The following PGGT1B variants were observed in gnomAD, a reference collection of about 807,000 sequenced individuals.
PGGT1B encodes the protein protein geranylgeranyltransferase type I subunit beta, also known as geranylgeranyl transferase type-1 subunit beta.
Under a neutral mutation model 46.1 loss-of-function variants are expected in PGGT1B, and 30 were observed. The ratio of observed to expected loss-of-function variants is 0.65; its 90% CI spans 0.49 to 0.88. The LOEUF (loss-of-function observed/expected upper bound fraction) is 0.88, where lower values mean the gene tolerates loss of function less well. Among genes scored for constraint, PGGT1B ranks in the 40% least tolerant of loss-of-function variants. The probability of loss-of-function intolerance (pLI) is 0.00; values close to 1 mark genes in which losing one functional copy is unlikely to be tolerated. For synonymous variants in PGGT1B, 170 were observed against 160.0 expected (o/e 1.06, Z -0.47); for missense variants, 376 against 455.9 (o/e 0.82, Z 1.60).
intron 6 of PGGT1B, among the ~76,000 whole-genome samples, chr5:115,224,815 CAG>C (rs1424167665): frequency 7.7e-6 from 1 of 130,674 alleles, no homozygotes; most frequent in Non-Finnish European, 1.6e-5. Context: ...GCCTGGGCGA[CAG>C]AGAGAGACTA....
intron 6 of PGGT1B, among the ~76,000 whole-genome samples, chr5:115,224,833 CAAAAAAAA>C (rs551706210): frequency 1.8e-4 from 12 of 65,748 alleles, no homozygotes; most frequent in Non-Finnish European, 2.3e-4. Flanking sequence ...GACTATGTCT[CAAAAAAAA>C]AAAAAAAAAA....
intron 3 of PGGT1B, among the ~76,000 whole-genome samples, 183 bp from the exon 4 acceptor site, chr5:115,238,192 C>T (rs954450067): frequency 1.3e-5 from 2 of 151,028 alleles, no homozygotes; most frequent in African/African-American, 4.9e-5. Flanking sequence ...AATATGATTG[C>T]ACAGGCTACT....
At chr5:115,215,084 C>T (rs546109357) in intron 8 of PGGT1B, among the ~76,000 whole-genome samples, 45 of 149,258 alleles carry the variant, frequency 3.0e-4, no homozygotes, top group Non-Finnish European at 4.6e-4. Context: ...CTGCAACCTC[C>T]ACCTCCTGGG....
At chr5:115,241,866 A>G (rs1484805241) in intron 2 of PGGT1B, among the ~76,000 whole-genome samples, 1 of 152,116 alleles carries the variant, frequency 6.6e-6, no homozygotes, top group Non-Finnish European at 1.5e-5. Context: ...CTGCCTATAC[A>G]GTCCTTTCAT....
In PGGT1B at chr5:115,209,060, G is replaced by A. The variant is rs1417946461; in HGVS notation, c.*3342C>T. ...TTTTCTGTACTTTTAGGAGGAAGGA[G>A]TGGCTCTAGGATGACTTCACAGCCT... On this transcript the variant is annotated 3_prime_UTR_variant, in exon 9 of 9. Coordinates refer to ENST00000419445, the MANE Select transcript of PGGT1B (RefSeq NM_005023.4). 2.0e-5 allele frequency: 3 copies of A among 151,912 alleles called. No homozygotes were observed. Among genetic ancestry groups the A allele is most frequent in the African/African-American group, 2.4e-5 (1 of 41,366 alleles). 9.4% of individuals were successfully genotyped at this position (151,912 alleles called of 1,614,324 possible).
intron 6 of PGGT1B, among the ~76,000 whole-genome samples, chr5:115,224,747 A>C (rs2126998310): frequency 6.6e-6 from 1 of 150,558 alleles, no homozygotes; most frequent in East Asian, 2.0e-4. Context: ...GGTGGTGTGC[A>C]CCTGTGGTCC....
intron 5 of PGGT1B, among the ~76,000 whole-genome samples, chr5:115,233,308 G>T (rs1466002074): frequency 6.6e-6 from 1 of 151,584 alleles, no homozygotes; most frequent in Non-Finnish European, 1.5e-5. Flanking sequence ...GAGAAATAGT[G>T]TTAGAAAAGA....
At chr5:115,212,806 A>G (rs906777111) in intron 8 of PGGT1B, among the ~76,000 whole-genome samples, 9 of 152,180 alleles carry the variant, frequency 5.9e-5, no homozygotes, top group African/African-American at 1.9e-4. Flanking sequence ...AATATCATTA[A>G]CAAAGGAAAA....
chr5:115,257,530 CAAA>C (rs1169870044), intron 1 of PGGT1B, among the ~76,000 whole-genome samples: 2 of 72,112 alleles, frequency 2.8e-5, no homozygotes, highest in Non-Finnish European at 5.3e-5. Context: ...AACTCCATCT[CAAA>C]AAAAAAAAAA....
At chr5:115,237,223 A>G (rs1310538135) in intron 4 of PGGT1B, among the ~76,000 whole-genome samples, 1 of 152,186 alleles carries the variant, frequency 6.6e-6, no homozygotes, top group Non-Finnish European at 1.5e-5. Context: ...CTGACGGGAA[A>G]ACAGAGCTAT....
chr5:115,240,300 T>C (rs993512893), intron 3 of PGGT1B, among the ~76,000 whole-genome samples: 1 of 152,150 alleles, frequency 6.6e-6, no homozygotes, highest in Non-Finnish European at 1.5e-5. Context: ...CAGGCGTTGG[T>C]TGGGGGAAGG....
chr5:115,237,933 A>G lies in PGGT1B; in HGVS notation c.404T>C (p.Leu135Pro). ...ATTTACTCGGCTTAAGTCGTCTCCAAGAATAACTAAGCATGAGAGGCCAGT... is the reference window on the plus strand; with the variant it reads ...ATTTACTCGGCTTAAGTCGTCTCCAGGAATAACTAAGCATGAGAGGCCAGT... ...TYTGLSCLVI[L>P]GDDLSRVNKE... The change falls in exon 4 of 9, where the codon CTT becomes CCT. Residue 135 changes from leucine (L) to proline (P), a missense_variant. By Grantham distance (98) the Leu-to-Pro change is moderately conservative. Coordinates refer to ENST00000419445, the MANE Select transcript of PGGT1B (RefSeq NM_005023.4). 6.2e-7 allele frequency: 1 copy of G among 1,612,666 alleles called. No individual in the cohort carries two copies. Among genetic ancestry groups the G allele is most frequent in the Non-Finnish European group, 8.5e-7 (1 of 1,179,706 alleles).
In PGGT1B at chr5:115,207,792, T is replaced by C. The variant is rs980410862; in HGVS notation, c.*4610A>G. On this transcript the variant is annotated 3_prime_UTR_variant, in exon 9 of 9. Coordinates refer to ENST00000419445, the MANE Select transcript of PGGT1B (RefSeq NM_005023.4). The stretch of plus-strand genomic sequence containing the variant: ...TGTCTAACTTCATTGGCTATAACTC[T>C]CAACACATTGTTAAGTAGCAGAGGA... 3 of 152,094 alleles carry C rather than the reference T, an allele frequency of 2.0e-5. No individual in the cohort carries two copies. The highest frequency in any genetic ancestry group is 7.2e-5 in the African/African-American group (3 of 41,454). 9.4% of individuals were successfully genotyped at this position (152,094 alleles called of 1,614,324 possible).
In PGGT1B at chr5:115,235,068, T is replaced by G. The variant is rs73255464; in HGVS notation, c.612+1322A>C. On this transcript the variant is annotated intron_variant, in intron 5 of 8. Coordinates refer to ENST00000419445, the MANE Select transcript of PGGT1B (RefSeq NM_005023.4). ...GATTCCAGAGCTGAGGATGGAAAAG[T>G]AGAAGATAAACCTGGAATATCTTGT... is the stretch of plus-strand genomic sequence containing the variant. 6.3e-3 allele frequency among the ~76,000 whole-genome samples: 963 copies of G among 151,942 alleles called. 11 individuals carry two copies. The highest frequency in any genetic ancestry group is 0.022 in the African/African-American group (902 of 41,478).
At position 115,237,980 on chromosome 5, in the gene PGGT1B, A is replaced by C; in HGVS notation, c.357T>G (p.Ser119Arg). 2 of 1,611,694 alleles carry C rather than the reference A, an allele frequency of 1.2e-6. No individual in the cohort carries two copies. The highest frequency in any genetic ancestry group is 2.2e-5 in the East Asian group (1 of 44,824). The change falls in exon 4 of 9, where the codon AGT becomes AGG. Residue 119 changes from serine (S) to arginine (R), a missense_variant. Transcript: ENST00000419445. ...KAPGTAHPYD[S>R]GHIAMTYTGL... is the part of the protein sequence containing the mutation. ...CAGTGTAGGTCATTGCAATGTGGCC[A>C]CTATCATAAGGATGAGCTGTTCCAG...
At chr5:115,214,224 C>G (rs1467883293) in intron 8 of PGGT1B, among the ~76,000 whole-genome samples, 1 of 152,006 alleles carries the variant, frequency 6.6e-6, no homozygotes, top group Non-Finnish European at 1.5e-5. Flanking sequence ...ACAAATAAAA[C>G]TTATTTGTTT....
chr5:115,234,173 T>A (rs1757095105), intron 5 of PGGT1B, among the ~76,000 whole-genome samples: 1 of 149,490 alleles, frequency 6.7e-6, no homozygotes, highest in Admixed American at 6.7e-5. Context: ...GGTGTTTTTT[T>A]TTTTCTCCCA....
rs1580757472 is a variant in PGGT1B at position 115,231,182 on chromosome 5, G to C, written c.613-161C>G. On this transcript the variant is annotated intron_variant, in intron 5 of 8. Coordinates refer to ENST00000419445, the MANE Select transcript of PGGT1B (RefSeq NM_005023.4). ...TTTTCCCCATGGAGAAGTAGAATTA[G>C]GCATTTTCAAATACCTGATTTTCTC... is the stretch of plus-strand genomic sequence containing the variant. Among the ~76,000 whole-genome samples the C allele has an allele frequency of 2.6e-5, 4 of 151,948 alleles. No individual in the cohort carries two copies. In the East Asian group the frequency reaches 7.7e-4, roughly 29 times the overall value.
Position 115,205,820 on chromosome 5 carries a change from C to T in PGGT1B, c.*6582G>A, listed in dbSNP as rs999230712. On this transcript the variant is annotated 3_prime_UTR_variant, in exon 9 of 9. Transcript: ENST00000419445. ...AAACATCAAATTTAAATTGTGCACA[C>T]TTTTTGCCCCAGTAATTCCTTATCT... The T allele has an allele frequency of 2.6e-5, 4 of 151,958 alleles. No individual in the cohort carries two copies. Among genetic ancestry groups the T allele is most frequent in the Non-Finnish European group, 5.9e-5 (4 of 67,916 alleles). 9.4% of individuals were successfully genotyped at this position (151,958 alleles called of 1,614,324 possible). A position where few individuals can be genotyped will look rare whatever the true frequency, so the allele number is the denominator to read the frequency against.
Sources: allele counts gnomAD v4.1 joint callset (sites outside exome capture counted in the v4.1 genomes callset), GRCh38; gene constraint gnomAD v4.1.1; transcripts MANE v1.5; gene names NCBI Gene and HGNC (gene_info 2026-07-23, HGNC 2026-07-21).